Variants in ERI3 observed in about 807,000 individuals in gnomAD.
The protein encoded by ERI3 is ERI1 exoribonuclease 3.
A neutral mutation model predicts 44.4 loss-of-function variants in ERI3; 18 were observed. The observed-to-expected ratio is 0.41, with a 90% CI of 0.28 to 0.60. ERI3 has a LOEUF of 0.60. ERI3 is among the 20% of genes least tolerant of loss of function. The pLI is 0.36. For missense variants in ERI3, 294 were observed against 435.5 expected, an observed-to-expected ratio of 0.68 and a Z score of 2.89; for synonymous variants, 183 against 164.8, an observed-to-expected ratio of 1.11 and a Z score of -0.84.
At chr1:44,308,541 TG>T in intron 5 of ERI3, 140 bp from the exon 6 acceptor site, 1 of 735,790 alleles carries the variant, frequency 1.4e-6, no homozygotes, top group East Asian at 2.5e-5. Flanking sequence ...GGCTCCACTG[TG>T]GGCTCTCAGG....
At chr1:44,343,326 T>C (rs917179126) in intron 2 of ERI3, among the ~76,000 whole-genome samples, 9 of 152,300 alleles carry the variant, frequency 5.9e-5, no homozygotes, top group African/African-American at 1.7e-4. Flanking sequence ...AAAATACTTA[T>C]TAATTACAAC....
intron 3 of ERI3, among the ~76,000 whole-genome samples, chr1:44,326,274 A>G (rs137922188): frequency 1.3e-5 from 2 of 152,362 alleles, no homozygotes; most frequent in East Asian, 3.9e-4. Flanking sequence ...GTTTTGGATA[A>G]AAGTCTCATG....
At chr1:44,305,868 T>A (rs907878933) in intron 6 of ERI3, among the ~76,000 whole-genome samples, 3 of 152,214 alleles carry the variant, frequency 2.0e-5, no homozygotes, top group African/African-American at 7.2e-5. Flanking sequence ...TGAAAATGGA[T>A]GTCAAAATAA....
intron 5 of ERI3, among the ~76,000 whole-genome samples, chr1:44,312,864 C>T (rs1247295855): frequency 6.6e-6 from 1 of 152,270 alleles, no homozygotes; most frequent in Non-Finnish European, 1.5e-5. Context: ...TACTCCCCAG[C>T]CCACCCAGCA....
At chr1:44,268,739 G>A (rs978973452) in intron 7 of ERI3, among the ~76,000 whole-genome samples, 1 of 152,146 alleles carries the variant, frequency 6.6e-6, no homozygotes, top group Non-Finnish European at 1.5e-5. Flanking sequence ...CTCTACCTGG[G>A]CATCACTTGG....
At chr1:44,276,579 C>T (rs1645185123) in intron 7 of ERI3, among the ~76,000 whole-genome samples, 1 of 152,206 alleles carries the variant, frequency 6.6e-6, no homozygotes, top group South Asian at 2.1e-4. Context: ...CCTAGAACTG[C>T]CCCATCCCTG....
chr1:44,274,483 G>A (rs1190321045), intron 7 of ERI3, among the ~76,000 whole-genome samples: 1 of 152,178 alleles, frequency 6.6e-6, no homozygotes, highest in Non-Finnish European at 1.5e-5. Context: ...TCAGACAGCT[G>A]TAAGACATAT....
Position 44,284,922 on chromosome 1 carries a change from G to A in ERI3, c.759-15C>T, listed in dbSNP as rs371507335. The A allele has an allele frequency of 2.1e-4, 340 of 1,612,682 alleles. No individual in the cohort carries two copies. Among genetic ancestry groups the A allele is most frequent in the Non-Finnish European group, 2.8e-4 (329 of 1,178,934 alleles). On this transcript the variant is annotated splice_polypyrimidine_tract_variant and intron_variant, in intron 6 of 8. Coordinates refer to ENST00000372257, the MANE Select transcript of ERI3 (RefSeq NM_024066.3). ...GGCCTGGGAGCCTACAAAAAAAAGGGAAGAGAGAACAAGTTGGGCGCATCC... is the reference window on the plus strand; with the variant it reads ...GGCCTGGGAGCCTACAAAAAAAAGGAAAGAGAGAACAAGTTGGGCGCATCC...
At chr1:44,290,766 T>C (rs914447500) in intron 6 of ERI3, among the ~76,000 whole-genome samples, 4 of 152,106 alleles carry the variant, frequency 2.6e-5, no homozygotes, top group African/African-American at 9.7e-5. Context: ...TTTCCTCAAG[T>C]TGAGGAGAGT....
chr1:44,283,396 T>C (rs1011664674), intron 7 of ERI3, among the ~76,000 whole-genome samples: 2 of 152,184 alleles, frequency 1.3e-5, no homozygotes, highest in Non-Finnish European at 2.9e-5. Context: ...GATAAGTGAT[T>C]TCCCAAGTGC....
chr1:44,321,287 C>A (rs1415938153), intron 3 of ERI3, among the ~76,000 whole-genome samples: 1 of 152,158 alleles, frequency 6.6e-6, no homozygotes, highest in East Asian at 1.9e-4. Flanking sequence ...GTGGGCTGAT[C>A]TCCAAAGATG....
chr1:44,329,698 G>A (rs1023022657), intron 3 of ERI3, among the ~76,000 whole-genome samples: 6 of 152,108 alleles, frequency 3.9e-5, no homozygotes, highest in African/African-American at 1.4e-4. Flanking sequence ...GCCAAACAAT[G>A]CATCAAATAG....
At chr1:44,335,257 C>T (rs1429919511) in intron 3 of ERI3, among the ~76,000 whole-genome samples, 2 of 151,786 alleles carry the variant, frequency 1.3e-5, no homozygotes, top group Non-Finnish European at 2.9e-5. Context: ...ATGGGAGGAT[C>T]GCTTGAGCCC....
chr1:44,238,387 G>T (rs1160863963), intron 8 of ERI3, among the ~76,000 whole-genome samples: 1 of 152,158 alleles, frequency 6.6e-6, no homozygotes. Context: ...AGTAAGGGCC[G>T]GCCTGGGTGT....
At chr1:44,243,339 C>T (rs920108393) in intron 8 of ERI3, 3 of 152,232 alleles carry the variant, frequency 2.0e-5, no homozygotes, top group Admixed American at 6.6e-5. Context: ...ACTCTCCTAG[C>T]CAGCTGAAAC....
intron 6 of ERI3, among the ~76,000 whole-genome samples, chr1:44,297,469 G>T (rs1210481450): frequency 6.6e-6 from 1 of 151,998 alleles, no homozygotes; most frequent in Non-Finnish European, 1.5e-5. Context: ...AGACCAAGCA[G>T]AAGCAGCCAC....
intron 2 of ERI3, 139 bp downstream of exon 2, chr1:44,352,710 CA>C (rs1208339518): frequency 1.0e-5 from 9 of 882,842 alleles, no homozygotes; most frequent in African/African-American, 3.3e-5. Flanking sequence ...GAAGAAGCTA[CA>C]AAAAAATATG....
chr1:44,233,387 C>G (rs1035545551), intron 8 of ERI3, among the ~76,000 whole-genome samples: 1 of 151,942 alleles, frequency 6.6e-6, no homozygotes, highest in Non-Finnish European at 1.5e-5. Flanking sequence ...AAGAGAGGGC[C>G]AAGCCTGATG....
chr1:44,300,085 C>T (rs1645692099), intron 6 of ERI3, among the ~76,000 whole-genome samples: 1 of 152,148 alleles, frequency 6.6e-6, no homozygotes, highest in African/African-American at 2.4e-5. Context: ...GGGAGAGCCT[C>T]ATATCAAATC....
Sources: gnomAD v4.1 joint callset for allele counts (sites outside exome capture counted in the v4.1 genomes callset) on GRCh38, gnomAD v4.1.1 for gene constraint, MANE v1.5 for transcripts, NCBI Gene and HGNC (gene_info 2026-07-23, HGNC 2026-07-21) for gene names.